MYO18A: variants seen among roughly 807,000 people sequenced by gnomAD.
MYO18A encodes the protein unconventional myosin-XVIIIa.
MYO18A carries 78 observed loss-of-function variants against 235.8 expected under a neutral mutation model. The observed-to-expected ratio is 0.33, with a 90% CI of 0.28 to 0.40. The LOEUF is 0.40. Among genes scored for constraint, MYO18A ranks in the 10% least tolerant of loss-of-function variants. MYO18A has a pLI of 1.00. For missense variants in MYO18A, 2,215 were observed against 2,699.3 expected (o/e 0.82, Z 3.98); for synonymous variants, 977 against 1,077.8 (o/e 0.91, Z 1.83).
At position 29,166,368 on chromosome 17, in the gene MYO18A, G is replaced by A. The variant is rs1567645086; in HGVS notation, c.573C>T (p.Ser191=). The A allele has an allele frequency of 4.3e-6, 7 of 1,613,414 alleles. No homozygotes were observed. Among genetic ancestry groups the A allele is most frequent in the Non-Finnish European group, 5.9e-6 (7 of 1,179,888 alleles). ...GPGIPRPGHR[S]RAPELVTKKF... The stretch of plus-strand genomic sequence containing the variant: ...TTTTAGTCACTAGCTCAGGGGCTCG[G>A]GATCGGTGCCCTGGTCGAGGGATGC... Residue 191 remains serine (S), a synonymous_variant, in exon 2 of 42, where the codon TCC becomes TCT. Coordinates refer to ENST00000527372, the MANE Select transcript of MYO18A (RefSeq NM_078471.4).
chr17:29,102,842 C>A (rs1598304575), intron 21 of MYO18A, among the ~76,000 whole-genome samples: 1 of 152,200 alleles, frequency 6.6e-6, no homozygotes, highest in Non-Finnish European at 1.5e-5. Flanking sequence ...CCCACGGGGC[C>A]CTGCAACCGA....
At chr17:29,139,517 T>C (rs1456701728) in intron 2 of MYO18A, among the ~76,000 whole-genome samples, 8 of 151,896 alleles carry the variant, frequency 5.3e-5, no homozygotes, top group African/African-American at 1.9e-4. Flanking sequence ...GAGATACAAG[T>C]ACTCACGGGT....
chr17:29,125,851 G>C lies in MYO18A; in HGVS notation c.1000-3598C>G, dbSNP rs1286372760. ...GGTCCTGCCGCCAGCCTCAGGAAGA[G>C]GGCGGCCAGGGACTGGGACCCACAC... On this transcript the variant is annotated intron_variant, in intron 2 of 41. Transcript: ENST00000527372. This position sits in a 1 kb window ranked among gnomAD's most constrained non-coding sequence, Gnocchi z 5.1. The C allele has an allele frequency of 7.3e-6, 7 of 964,984 alleles. No individual in the cohort carries two copies. The highest frequency in any genetic ancestry group is 8.6e-6 in the Non-Finnish European group (7 of 810,776). 59.8% of individuals were successfully genotyped at this position (964,984 alleles called of 1,614,324 possible).
At position 29,126,426 on chromosome 17, in the gene MYO18A, C is replaced by A. The variant is rs2067323950; in HGVS notation, c.1000-4173G>T. ...GACCAACAGTTCTGCCCATACCCTG[C>A]CCAAAATGCCCATGCCAGCTCCTCC... On this transcript the variant is annotated intron_variant, in intron 2 of 41. Coordinates refer to ENST00000527372, the MANE Select transcript of MYO18A (RefSeq NM_078471.4). The surrounding 1 kb of genome is among the most constrained non-coding windows in gnomAD (Gnocchi z 4.1). Among the ~76,000 whole-genome samples, 1 of 152,174 alleles carries A rather than the reference C, an allele frequency of 6.6e-6. No homozygotes were observed. Among genetic ancestry groups the A allele is most frequent in the Admixed American group, 6.5e-5 (1 of 15,274 alleles).
Position 29,089,015 on chromosome 17 carries a change from C to T in MYO18A, c.5526+946G>A, listed in dbSNP as rs1023047658. On this transcript the variant is annotated intron_variant, in intron 37 of 41. Transcript: ENST00000527372. ...GAGCCATGATTGCGTCACTGCACTA[C>T]AGCCTGGGCAACAGAGCGAGACCCT... Among the ~76,000 whole-genome samples the T allele has an allele frequency of 5.0e-5, 7 of 140,772 alleles. No individual in the cohort carries two copies. The South Asian group carries it at 1.6e-3, about 31-fold the overall frequency. 92.4% of individuals were successfully genotyped at this position (140,772 alleles called of 152,430 possible).
At chr17:29,105,218 G>A (rs966758197) in intron 20 of MYO18A, among the ~76,000 whole-genome samples, 2 of 151,336 alleles carry the variant, frequency 1.3e-5, no homozygotes, top group Non-Finnish European at 2.9e-5. Flanking sequence ...GTTGGCTCTG[G>A]CAATATGGAG....
rs1181508858 is a variant in MYO18A, at chr17:29,126,020, T to C, written c.1000-3767A>G. The C allele has an allele frequency of 3.1e-6, 3 of 957,422 alleles. No individual in the cohort carries two copies. Among genetic ancestry groups the C allele is most frequent in the Admixed American group, 6.2e-5 (1 of 16,224 alleles). 59.3% of individuals were successfully genotyped at this position (957,422 alleles called of 1,614,324 possible). ...GCCCAGAAATGGAGAGGCCACAGCA[T>C]GCGGAGCTCCCAGCCCAGGAAGCCA... On this transcript the variant is annotated intron_variant, in intron 2 of 41. Coordinates refer to ENST00000527372, the MANE Select transcript of MYO18A (RefSeq NM_078471.4). This position sits in a 1 kb window ranked among gnomAD's most constrained non-coding sequence, Gnocchi z 4.1.
chr17:29,164,818 T>A (rs1023993188), intron 2 of MYO18A, among the ~76,000 whole-genome samples: 1 of 152,250 alleles, frequency 6.6e-6, no homozygotes, highest in Non-Finnish European at 1.5e-5. Context: ...CCATCTGATC[T>A]AAACCTCTCT....
In MYO18A at chr17:29,094,545, C is replaced by G. The variant is rs541534324; in HGVS notation, c.4710+105G>C. 1.5e-3 allele frequency: 1,789 copies of G among 1,169,294 alleles called. 2 individuals are homozygous for G. The highest frequency in any genetic ancestry group is 2.1e-3 in the Non-Finnish European group (1,658 of 797,274). The allele number at this position is 1,169,294 out of a possible 1,614,324, so 72.4% of individuals were successfully genotyped here. ...GTGAGTAGGTGAGTGAGTGAATACG[C>G]GAATGAATGGAGGCAGGATCCTCTG... On this transcript the variant is annotated intron_variant, in intron 30 of 41. Transcript: ENST00000527372.
In MYO18A at chr17:29,093,010, G is replaced by A. The variant is rs2066434800; in HGVS notation, c.4927-9C>T. 1.9e-6 allele frequency: 3 copies of A among 1,611,798 alleles called. No homozygotes were observed. The highest frequency in any genetic ancestry group is 1.7e-6 in the Non-Finnish European group (2 of 1,179,418). On this transcript the variant is annotated splice_polypyrimidine_tract_variant and intron_variant, in intron 32 of 41. Transcript: ENST00000527372. Reference sequence around the variant, plus strand: ...AAGTCCCGCCGGTTCACCTGGGTGGGCACCAGCAGTTGGGGTTCTGGGCTC... The same window carrying A: ...AAGTCCCGCCGGTTCACCTGGGTGGACACCAGCAGTTGGGGTTCTGGGCTC...
chr17:29,089,844 A>T, intron 37 of MYO18A, 117 bp downstream of exon 37: 1 of 1,345,606 alleles, frequency 7.4e-7, no homozygotes, highest in Non-Finnish European at 1.0e-6. Flanking sequence ...CCTGGCAGTG[A>T]GGCACAGGCC....
intron 20 of MYO18A, among the ~76,000 whole-genome samples, chr17:29,105,812 G>A (rs2066770271): frequency 6.6e-6 from 1 of 152,168 alleles, no homozygotes; most frequent in Non-Finnish European, 1.5e-5. Context: ...ACCAAAGGCT[G>A]AAGACCATGA....
In MYO18A at chr17:29,140,664, G is replaced by A. The variant is rs2067717717; in HGVS notation, c.1000-18411C>T. 1 of 191,206 alleles carries A rather than the reference G, an allele frequency of 5.2e-6. No individual in the cohort carries two copies. Among genetic ancestry groups the A allele is most frequent in the Non-Finnish European group, 1.1e-5 (1 of 88,726 alleles). The allele number at this position is 191,206 out of a possible 1,614,324, so 11.8% of individuals were successfully genotyped here. A position where few individuals can be genotyped will look rare whatever the true frequency, so the allele number is the denominator to read the frequency against. On this transcript the variant is annotated intron_variant, in intron 2 of 41. Transcript: ENST00000527372. The surrounding 1 kb of genome is among the most constrained non-coding windows in gnomAD (Gnocchi z 4.2). ...GACAGGGAGGGTGAGACTTGCCTAT[G>A]GACACACACCCCAGCTCCGGGACAG... is the stretch of plus-strand genomic sequence containing the variant.
At chr17:29,079,143 A>G (rs1440603070) in intron 41 of MYO18A, among the ~76,000 whole-genome samples, 1 of 152,210 alleles carries the variant, frequency 6.6e-6, no homozygotes, top group African/African-American at 2.4e-5. Flanking sequence ...CAGCTGGGGT[A>G]TAGCTTGGGA....
intron 2 of MYO18A, chr17:29,129,003 C>G (rs1344392110): frequency 2.4e-6 from 3 of 1,259,240 alleles, no homozygotes; most frequent in South Asian, 2.5e-5. Context: ...ACAGCCGAGT[C>G]CCACCTCCAT....
At chr17:29,119,685 T>G (rs2067152676) in intron 7 of MYO18A, among the ~76,000 whole-genome samples, 1 of 151,556 alleles carries the variant, frequency 6.6e-6, no homozygotes, top group African/African-American at 2.4e-5. Flanking sequence ...TGCCTTGGCC[T>G]CCTGAGTAGC....
chr17:29,091,959 G>A (rs933697609), intron 34 of MYO18A: 1 of 330,308 alleles, frequency 3.0e-6, no homozygotes, highest in African/African-American at 2.1e-5. Flanking sequence ...GCTGGGCAGG[G>A]GGAAGGGGAA....
chr17:29,176,664 T>TACCCCTCC (rs1441454269), intron 1 of MYO18A: 4 of 151,930 alleles, frequency 2.6e-5, no homozygotes, highest in African/African-American at 9.7e-5. Context: ...GCCGGAGGGG[T>TACCCCTCC]AGCCAGCACC....
chr17:29,124,618 G>A (rs1408372655), intron 2 of MYO18A: 1 of 1,266,376 alleles, frequency 7.9e-7, no homozygotes, highest in Non-Finnish European at 1.0e-6. Context: ...ACTGGAGGGA[G>A]CGGAGGGCTC....
Sources: allele counts gnomAD v4.1 joint callset (sites outside exome capture counted in the v4.1 genomes callset), GRCh38; gene constraint gnomAD v4.1.1; non-coding constraint Gnocchi (gnomAD v3.1); transcripts MANE v1.5; gene names NCBI Gene and HGNC (gene_info 2026-07-23, HGNC 2026-07-21).